CWH43: variants seen among roughly 807,000 people sequenced by gnomAD.
CWH43 encodes the protein PGAP2-interacting protein.
CWH43 carries 91 observed loss-of-function variants against 85.7 expected under a neutral mutation model. The observed-to-expected ratio is 1.06, with a 90% CI of 0.90 to 1.26. The LOEUF is 1.26. Among genes scored for constraint, CWH43 ranks in the 50% most tolerant of loss-of-function variants. CWH43 has a pLI of 0.00. For synonymous variants in CWH43, 323 were observed against 293.6 expected (o/e 1.10, Z -1.02); for missense variants, 869 against 839.2 (o/e 1.04, Z -0.44).
intron 9 of CWH43, among the ~76,000 whole-genome samples, chr4:49,024,748 G>A (rs972265057): frequency 2.0e-5 from 3 of 151,960 alleles, no homozygotes; most frequent in Admixed American, 6.5e-5. Context: ...TTTCTTTATA[G>A]GTTACCTGAT....
chr4:48,986,808 C>A (rs1475963957), intron 1 of CWH43: 4 of 1,179,316 alleles, frequency 3.4e-6, no homozygotes, highest in Non-Finnish European at 4.2e-6. Context: ...AAGCCCCCCA[C>A]CCGTGGCCTT....
intron 9 of CWH43, among the ~76,000 whole-genome samples, chr4:49,018,486 T>C (rs1237432450): frequency 6.6e-6 from 1 of 152,260 alleles, no homozygotes; most frequent in Admixed American, 6.5e-5. Flanking sequence ...CAGATAATTC[T>C]TGATTTTGCA....
chr4:49,035,022 A>G (rs542085120), intron 12 of CWH43, among the ~76,000 whole-genome samples: 2 of 152,314 alleles, frequency 1.3e-5, no homozygotes, highest in South Asian at 4.1e-4. Flanking sequence ...TGCTTTAGGA[A>G]CCACTGCTCT....
In CWH43 at chr4:49,046,510, T is replaced by C. The variant is rs187966233; in HGVS notation, c.1865+1663T>C. Among the ~76,000 whole-genome samples the C allele has an allele frequency of 2.4e-3, 360 of 152,128 alleles. 1 individual carries two copies. Among genetic ancestry groups the C allele is most frequent in the African/African-American group, 8.0e-3 (332 of 41,486 alleles). On this transcript the variant is annotated intron_variant, in intron 14 of 15. Transcript: ENST00000226432. ...TGACAAGCTATGACAGGTGGAGATATGCATGATGAAAGAAAAATAATAAAT... is the reference window on the plus strand; with the variant it reads ...TGACAAGCTATGACAGGTGGAGATACGCATGATGAAAGAAAAATAATAAAT...
intron 9 of CWH43, among the ~76,000 whole-genome samples, chr4:49,020,416 C>CACACACACACACATAT (rs140534523): frequency 0.097 from 12,423 of 127,824 alleles, 910 homozygotes; most frequent in Middle Eastern, 0.22. Flanking sequence ...CACACACACA[C>CACACACACACACATAT]ATATATATAT....
chr4:49,033,285 G>A (rs779389597), intron 12 of CWH43, among the ~76,000 whole-genome samples: 5 of 152,252 alleles, frequency 3.3e-5, no homozygotes, highest in Admixed American at 1.3e-4. Flanking sequence ...GATAGGCAGA[G>A]GAATCTGGAA....
chr4:49,019,649 G>A (rs764398495), intron 9 of CWH43, among the ~76,000 whole-genome samples: 2 of 151,822 alleles, frequency 1.3e-5, no homozygotes, highest in African/African-American at 2.4e-5. Context: ...GCATGATCTC[G>A]TTTCCCTGCA....
At position 49,038,027 on chromosome 4, in the gene CWH43, AT is replaced by A. The variant is rs746119763; in HGVS notation, c.1659-3del. On this transcript the variant is annotated splice_region_variant and splice_polypyrimidine_tract_variant and intron_variant, in intron 12 of 15. Coordinates refer to ENST00000226432, the MANE Select transcript of CWH43 (RefSeq NM_025087.3). ...ATACAATAAAGGGTCATATTTTTAC[AT>A]TTTTTAGAGATGACCTCGACAGGAA... 1 of 1,590,084 alleles carries A rather than the reference AT, an allele frequency of 6.3e-7. No homozygotes were observed. Among genetic ancestry groups the A allele is most frequent in the Non-Finnish European group, 8.5e-7 (1 of 1,172,180 alleles).
At chr4:49,028,244 C>T (rs1783981513) in intron 9 of CWH43, among the ~76,000 whole-genome samples, 2 of 151,922 alleles carry the variant, frequency 1.3e-5, no homozygotes, top group African/African-American at 2.4e-5. Flanking sequence ...GAGATTCCTC[C>T]TTGTGGACCT....
At chr4:49,008,364 T>A (rs577323218) in intron 8 of CWH43, among the ~76,000 whole-genome samples, 1 of 152,286 alleles carries the variant, frequency 6.6e-6, no homozygotes, top group South Asian at 2.1e-4. Flanking sequence ...CTTTGTAGAT[T>A]CTGGATATTA....
intron 7 of CWH43, among the ~76,000 whole-genome samples, chr4:49,004,646 T>G (rs1269848446): frequency 6.6e-6 from 1 of 152,178 alleles, no homozygotes; most frequent in Non-Finnish European, 1.5e-5. Context: ...TGCCTTGGCT[T>G]CCCAAAGTGC....
At chr4:48,990,065 C>T (rs1275726860) in intron 2 of CWH43, among the ~76,000 whole-genome samples, 1 of 152,074 alleles carries the variant, frequency 6.6e-6, no homozygotes, top group Non-Finnish European at 1.5e-5. Context: ...TGGGCCTTAC[C>T]TATAGATCCA....
chr4:49,056,790 A>G (rs923767279), intron 15 of CWH43, among the ~76,000 whole-genome samples: 1 of 152,084 alleles, frequency 6.6e-6, no homozygotes, highest in African/African-American at 2.4e-5. Context: ...GTTTATTGCT[A>G]CAAAATTCCC....
At chr4:49,037,965 C>T (rs569810646) in intron 12 of CWH43, 71 bp from the exon 13 acceptor site, 9 of 1,406,838 alleles carry the variant, frequency 6.4e-6, no homozygotes, top group Middle Eastern at 1.9e-4. Flanking sequence ...TCTTTGGCAA[C>T]TTAGGTACCT....
chr4:48,990,918 A>G (rs1782640992), intron 2 of CWH43, among the ~76,000 whole-genome samples: 1 of 152,224 alleles, frequency 6.6e-6, no homozygotes, highest in Non-Finnish European at 1.5e-5. Context: ...AAAATGTGGT[A>G]TATACATGCA....
At chr4:49,025,033 G>C (rs1783864946) in intron 9 of CWH43, among the ~76,000 whole-genome samples, 1 of 151,752 alleles carries the variant, frequency 6.6e-6, no homozygotes, top group Admixed American at 6.6e-5. Context: ...CTTCTTGGAG[G>C]CTTTGTTTAT....
In CWH43 at chr4:49,057,900, T is replaced by C. The variant is rs1298379417; in HGVS notation, c.2022-3912T>C. Among the ~76,000 whole-genome samples, 4 of 152,186 alleles carry C rather than the reference T, an allele frequency of 2.6e-5. No homozygotes were observed. The East Asian group carries it at 7.7e-4, about 29-fold the overall frequency. Reference sequence around the variant, plus strand: ...TCTTCTGACAGTTTTTGACTTAAAGTCTACTTTGTCTAAGTAGAGCCATCC... The same window carrying C: ...TCTTCTGACAGTTTTTGACTTAAAGCCTACTTTGTCTAAGTAGAGCCATCC... On this transcript the variant is annotated intron_variant, in intron 15 of 15. Coordinates refer to ENST00000226432, the MANE Select transcript of CWH43 (RefSeq NM_025087.3).
chr4:49,022,991 T>C (rs1783798275), intron 9 of CWH43, among the ~76,000 whole-genome samples: 2 of 152,222 alleles, frequency 1.3e-5, no homozygotes, highest in Admixed American at 1.3e-4. Flanking sequence ...CAGCTTTTTG[T>C]TTCATTTATC....
intron 9 of CWH43, among the ~76,000 whole-genome samples, chr4:49,026,235 G>A (rs964485951): frequency 1.4e-4 from 22 of 152,210 alleles, no homozygotes; most frequent in African/African-American, 5.1e-4. Flanking sequence ...TTTATGCCCA[G>A]GCAGCCGGTG....
Sources: gnomAD v4.1 joint callset for allele counts (sites outside exome capture counted in the v4.1 genomes callset) on GRCh38, gnomAD v4.1.1 for gene constraint, MANE v1.5 for transcripts, NCBI Gene and HGNC (gene_info 2026-07-23, HGNC 2026-07-21) for gene names.